CELF2: variants seen among roughly 807,000 people sequenced by gnomAD.
CELF2 encodes the protein CUG triplet repeat RNA-binding protein 2.
A neutral mutation model predicts 62.6 loss-of-function variants in CELF2; 8 were observed. The ratio of observed to expected loss-of-function variants is 0.13; its 90% CI spans 0.07 to 0.23. The LOEUF is 0.23. Among genes scored for constraint, CELF2 ranks in the 10% least tolerant of loss-of-function variants. CELF2 has a pLI of 1.00. For missense variants in CELF2, 333 were observed against 671.0 expected (o/e 0.50, Z 5.56); for synonymous variants, 258 against 250.0 (o/e 1.03, Z -0.30).
chr10:11,043,306 T>C (rs2062175797), intron 1 of CELF2, among the ~76,000 whole-genome samples: 1 of 152,154 alleles, frequency 6.6e-6, no homozygotes, highest in Non-Finnish European at 1.5e-5. Context: ...TGACTCACCG[T>C]CACCATTCAC....
rs1592831557 is a variant in CELF2, at chr10:10,993,281, A to G, written c.89+73282A>G. On this transcript the variant is annotated intron_variant, in intron 2 of 13. Transcript: ENST00000636488. This position sits in a 1 kb window ranked among gnomAD's most constrained non-coding sequence, Gnocchi z 5.3. ...TTGGGAAATGTAGTTTGGCCTGGCCAAACTACATTTGACTCATTACAAAGG... is the reference window on the plus strand; with the variant it reads ...TTGGGAAATGTAGTTTGGCCTGGCCGAACTACATTTGACTCATTACAAAGG... Among the ~76,000 whole-genome samples the G allele has an allele frequency of 6.6e-6, 1 of 152,158 alleles. No homozygotes were observed. The highest frequency in any genetic ancestry group is 1.5e-5 in the Non-Finnish European group (1 of 68,026).
intron 3 of CELF2, among the ~76,000 whole-genome samples, chr10:11,238,104 G>A (rs1022497010): frequency 2.6e-5 from 4 of 152,226 alleles, no homozygotes; most frequent in Non-Finnish European, 4.4e-5. Context: ...GGAAGAATGA[G>A]TATTGGAGCG....
the CELF2 span, among the ~76,000 whole-genome samples, chr10:10,559,534 G>A: frequency 6.6e-6 from 1 of 152,212 alleles, no homozygotes; most frequent in African/African-American, 2.4e-5. Context: ...AGGTGGGTAA[G>A]ATAGTGCTGA....
chr10:11,276,134 GGTTT>G lies in CELF2; in HGVS notation c.841+1019_841+1022del, dbSNP rs1230607194. 3.3e-5 allele frequency among the ~76,000 whole-genome samples: 5 copies of G among 152,060 alleles called. No homozygotes were observed. In the East Asian group the frequency reaches 7.7e-4, roughly 23 times the overall value. ...TCTTTTTTTAAATATGTATCCTTGG[GGTTT>G]GTTTATTTTTTTTTTCTTGTTTCAC... On this transcript the variant is annotated intron_variant, in intron 8 of 12. Transcript: ENST00000633077.
At chr10:10,480,703 C>G in the CELF2 span, among the ~76,000 whole-genome samples, 1 of 152,160 alleles carries the variant, frequency 6.6e-6, no homozygotes, top group African/African-American at 2.4e-5. Context: ...GGGTATGTAA[C>G]AACTACCTTT....
chr10:10,478,210 T>C, the CELF2 span, among the ~76,000 whole-genome samples: 2 of 152,202 alleles, frequency 1.3e-5, no homozygotes, highest in Non-Finnish European at 2.9e-5. Context: ...GGAAAAACCA[T>C]AGACTCCAAT....
At chr10:11,027,603 T>A (rs1044934554) in intron 1 of CELF2, among the ~76,000 whole-genome samples, 1 of 152,200 alleles carries the variant, frequency 6.6e-6, no homozygotes, top group African/African-American at 2.4e-5. Flanking sequence ...TGGTTTTTAA[T>A]TTTTCATGGA....
chr10:11,124,299 T>C (rs991360146), intron 1 of CELF2, among the ~76,000 whole-genome samples: 18 of 152,192 alleles, frequency 1.2e-4, no homozygotes, highest in Admixed American at 2.0e-4. Flanking sequence ...ACACTCAATG[T>C]AGTCGCTCTT....
chr10:10,837,933 T>C (rs1244848647), intron 1 of CELF2, among the ~76,000 whole-genome samples: 2 of 152,194 alleles, frequency 1.3e-5, no homozygotes, highest in Non-Finnish European at 2.9e-5. Context: ...GTTAGTATGG[T>C]ATATTTATCA....
chr10:10,676,293 C>T, the CELF2 span, among the ~76,000 whole-genome samples: 2 of 152,150 alleles, frequency 1.3e-5, no homozygotes, highest in African/African-American at 4.8e-5. Flanking sequence ...ATGGGTATTT[C>T]CCTCTCCCAT....
At chr10:11,024,565 C>T (rs60123856) in intron 1 of CELF2, among the ~76,000 whole-genome samples, 12,711 of 152,178 alleles carry the variant, frequency 0.084, 625 homozygotes, top group African/African-American at 0.14. Context: ...GGCAGCATTA[C>T]ACTCCAGCCT....
In CELF2 at chr10:11,249,185, T is replaced by C; in HGVS notation, c.387T>C (p.Asp129=). 6.2e-7 allele frequency: 1 copy of C among 1,613,548 alleles called. No individual in the cohort carries two copies. Among genetic ancestry groups the C allele is most frequent in the Non-Finnish European group, 8.5e-7 (1 of 1,179,408 alleles). Residue 129 remains aspartate, a synonymous_variant, in exon 4 of 13, where the codon GAT becomes GAC. Coordinates refer to ENST00000633077, the MANE Select transcript of CELF2 (RefSeq NM_001326342.2). ...ATCCCATTCAGATGAAACCTGCAGA[T>C]AGTGAAAAGTCCAACGGTAGGTGGT... is the stretch of plus-strand genomic sequence containing the variant. ...MHHPIQMKPA[D]SEKSNAVEDR... is the part of the protein sequence containing the mutation.
chr10:10,932,217 A>T (rs1312018080), intron 2 of CELF2, among the ~76,000 whole-genome samples: 3 of 152,290 alleles, frequency 2.0e-5, no homozygotes, highest in Non-Finnish European at 4.4e-5. Context: ...AAAAAATCCA[A>T]CTCATAGAAG....
intron 1 of CELF2, among the ~76,000 whole-genome samples, chr10:11,069,711 G>A (rs1042410167): frequency 6.6e-6 from 1 of 152,206 alleles, no homozygotes; most frequent in African/African-American, 2.4e-5. Context: ...TCATTGGCTT[G>A]TCACTCTAAT....
chr10:11,005,021 G>GT (rs911852633), upstream of CELF2: 603 of 981,808 alleles, frequency 6.1e-4, 4 homozygotes, highest in Middle Eastern at 0.012. The surrounding 1 kb of genome is among the most constrained non-coding windows in gnomAD (Gnocchi z 4.3). Context: ...CTTGGTTGTT[G>GT]TTTTTTTTGT....
At chr10:10,773,789 T>C in the CELF2 span, among the ~76,000 whole-genome samples, 1 of 152,250 alleles carries the variant, frequency 6.6e-6, no homozygotes. Flanking sequence ...TCCCTGTCTC[T>C]GACTGTTCTC....
At chr10:10,927,260 A>G (rs9804384) in intron 2 of CELF2, 58,442 of 150,022 alleles carry the variant, frequency 0.39, 12,960 homozygotes, top group East Asian at 0.72. Context: ...ACTTAAACTT[A>G]ATGTGGCCAG....
intron 1 of CELF2, among the ~76,000 whole-genome samples, chr10:11,076,869 G>A (rs992183324): frequency 1.3e-5 from 2 of 152,148 alleles, no homozygotes; most frequent in Non-Finnish European, 2.9e-5. Context: ...TGACTGTAGG[G>A]GAGCTTGTCT....
At chr10:10,807,653 A>G (rs1274051345) in intron 1 of CELF2, among the ~76,000 whole-genome samples, 2 of 152,232 alleles carry the variant, frequency 1.3e-5, no homozygotes, top group African/African-American at 4.8e-5. Flanking sequence ...TGGATGACAG[A>G]TAGCTTAAGA....
Sources: gnomAD v4.1 joint callset for allele counts (sites outside exome capture counted in the v4.1 genomes callset) on GRCh38, gnomAD v4.1.1 for gene constraint, Gnocchi (gnomAD v3.1) non-coding constraint, MANE v1.5 for transcripts, NCBI Gene and HGNC (gene_info 2026-07-23, HGNC 2026-07-21) for gene names.